Variants in RAP1GAP observed in about 807,000 individuals in gnomAD.
RAP1GAP encodes rap1 GTPase-activating protein 1.
Under a neutral mutation model 87.2 loss-of-function variants are expected in RAP1GAP, and 35 were observed. That is an observed-to-expected ratio of 0.40 (90% CI 0.31 to 0.53). The LOEUF is 0.53. Among genes scored for constraint, RAP1GAP ranks in the 20% least tolerant of loss-of-function variants. RAP1GAP has a pLI of 0.48. For missense variants in RAP1GAP, 734 were observed against 898.9 expected (o/e 0.82, Z 2.35); for synonymous variants, 375 against 363.9 (o/e 1.03, Z -0.35).
chr1:21,638,366 A>G (rs2095134651), intron 2 of RAP1GAP, among the ~76,000 whole-genome samples: 1 of 151,550 alleles, frequency 6.6e-6, no homozygotes, highest in Non-Finnish European at 1.5e-5. Context: ...CTGAGGCAGG[A>G]GAATCGCTTG....
In RAP1GAP at chr1:21,622,522, C is replaced by A. The variant is rs979573997; in HGVS notation, c.-18-2472G>T. 2.7e-5 allele frequency: 4 copies of A among 149,160 alleles called. No homozygotes were observed. Among genetic ancestry groups the A allele is most frequent in the Middle Eastern group, 3.1e-3 (1 of 322 alleles). 9.2% of individuals were successfully genotyped at this position (149,160 alleles called of 1,614,324 possible). ...GGGCCCCGCAGCGCTGAGCTCCGCG[C>A]TCCCGGCTCCCGGCGGCGGCGCTGC... is the stretch of plus-strand genomic sequence containing the variant. On this transcript the variant is annotated intron_variant, in intron 3 of 24. Transcript: ENST00000374765. This position sits in a 1 kb window ranked among gnomAD's most constrained non-coding sequence, Gnocchi z 5.7.
At chr1:21,651,244 A>C in intron 1 of RAP1GAP, 1 of 365,842 alleles carries the variant, frequency 2.7e-6, no homozygotes, top group Admixed American at 3.4e-5. Flanking sequence ...GAAGGAGGGC[A>C]GCCTGGTGCC....
intron 4 of RAP1GAP, 120 bp downstream of exon 4, chr1:21,619,895 T>C: frequency 1.9e-6 from 2 of 1,058,278 alleles, no homozygotes; most frequent in Non-Finnish European, 2.9e-6. Context: ...ATAGCCACCA[T>C]CTTCTACTGG....
Position 21,622,168 on chromosome 1 carries a change from C to T in RAP1GAP, c.-18-2118G>A, listed in dbSNP as rs1276311780. ...AGCAAGAGCCCCAGGGTCCGGGACC[C>T]CAGGGTAGGGGTGCGCCCCGTGGCC... On this transcript the variant is annotated intron_variant, in intron 3 of 24. Transcript: ENST00000374765. The surrounding 1 kb of genome is among the most constrained non-coding windows in gnomAD (Gnocchi z 5.7). 6.6e-6 allele frequency among the ~76,000 whole-genome samples: 1 copy of T among 152,172 alleles called. No individual in the cohort carries two copies. Among genetic ancestry groups the T allele is most frequent in the African/African-American group, 2.4e-5 (1 of 41,462 alleles).
At chr1:21,626,794 G>A (rs7354914) in intron 2 of RAP1GAP, 63,705 of 425,010 alleles carry the variant, frequency 0.15, 5,421 homozygotes, top group Admixed American at 0.24. Flanking sequence ...TGGCATTGAG[G>A]GGCTACCAGG....
chr1:21,661,395 T>A (rs2097150724), intron 1 of RAP1GAP, among the ~76,000 whole-genome samples: 1 of 152,152 alleles, frequency 6.6e-6, no homozygotes. Context: ...TAGTGAGCAC[T>A]CCATAAATGT....
chr1:21,603,858 T>C lies in RAP1GAP; in HGVS notation c.1429-945A>G, dbSNP rs990650626. 5.6e-6 allele frequency: 9 copies of C among 1,603,186 alleles called. No homozygotes were observed. The highest frequency in any genetic ancestry group is 7.7e-6 in the Non-Finnish European group (9 of 1,174,904). ...ACCTCTTCCACGGTTCCTATGCCTA[T>C]GGCACTGCCCCGGCGTCCGAATCTA... is the stretch of plus-strand genomic sequence containing the variant. On this transcript the variant is annotated intron_variant, in intron 18 of 24. Transcript: ENST00000374765. The surrounding 1 kb of genome is among the most constrained non-coding windows in gnomAD (Gnocchi z 6.0).
Position 21,603,869 on chromosome 1 carries a change from CG to C in RAP1GAP, c.1429-957del. 6.3e-7 allele frequency: 1 copy of C among 1,588,954 alleles called. No homozygotes were observed. Among genetic ancestry groups the C allele is most frequent in the Non-Finnish European group, 8.6e-7 (1 of 1,167,332 alleles). ...GGTTCCTATGCCTATGGCACTGCCCCGGCGTCCGAATCTACTCGCACTTTTC... is the reference window on the plus strand; with the variant it reads ...GGTTCCTATGCCTATGGCACTGCCCCGCGTCCGAATCTACTCGCACTTTTC... On this transcript the variant is annotated intron_variant, in intron 18 of 24. Coordinates refer to ENST00000374765, the MANE Select transcript of RAP1GAP (RefSeq NM_002885.4). This position sits in a 1 kb window ranked among gnomAD's most constrained non-coding sequence, Gnocchi z 6.0.
rs373325190 is a variant in RAP1GAP at position 21,664,439 on chromosome 1, T to C, written c.-149+4815A>G. On this transcript the variant is annotated intron_variant, in intron 1 of 24. Transcript: ENST00000374765. The stretch of plus-strand genomic sequence containing the variant: ...CTGCCATTCAAGGCCCTTAATAGAC[T>C]GACCCCGATTTGTCCCTACCCCCAC... Among the ~76,000 whole-genome samples the C allele has an allele frequency of 4.2e-4, 64 of 152,234 alleles. 1 individual carries two copies. In the South Asian group the frequency reaches 0.013, roughly 32 times the overall value.
At chr1:21,602,969 C>T (rs996593607) in intron 18 of RAP1GAP, 56 bp from the exon 19 acceptor site, 3 of 1,339,754 alleles carry the variant, frequency 2.2e-6, no homozygotes, top group Non-Finnish European at 1.0e-6. Context: ...CAGTGCCCCC[C>T]CCACATCCCC....
chr1:21,660,809 T>G (rs1472745488), intron 1 of RAP1GAP, among the ~76,000 whole-genome samples: 1 of 152,108 alleles, frequency 6.6e-6, no homozygotes, highest in East Asian at 1.9e-4. Context: ...GTTAACACTG[T>G]TGCCAGTAGG....
intron 1 of RAP1GAP, among the ~76,000 whole-genome samples, chr1:21,662,519 T>C (rs762133485): frequency 3.3e-5 from 5 of 152,016 alleles, no homozygotes; most frequent in Non-Finnish European, 7.4e-5. Flanking sequence ...CATTCATCCT[T>C]TTCCCCCAAG....
intron 2 of RAP1GAP, among the ~76,000 whole-genome samples, chr1:21,644,490 G>T (rs772222083): frequency 2.6e-5 from 4 of 152,130 alleles, no homozygotes; most frequent in Non-Finnish European, 5.9e-5. Flanking sequence ...TGCCTCACAG[G>T]GCTGTTGTGA....
intron 3 of RAP1GAP, among the ~76,000 whole-genome samples, chr1:21,626,097 G>A (rs10917025): frequency 0.19 from 28,614 of 152,122 alleles, 3,404 homozygotes; most frequent in East Asian, 0.47. Context: ...CCCTGCCACA[G>A]TCTACAGACC....
chr1:21,617,875 C>T, intron 6 of RAP1GAP, 59 bp downstream of exon 6: 1 of 1,608,524 alleles, frequency 6.2e-7, no homozygotes, highest in South Asian at 1.1e-5. Context: ...TATCCAGAAG[C>T]CCTGTGTAAG....
intron 2 of RAP1GAP, among the ~76,000 whole-genome samples, chr1:21,641,452 G>A (rs751063): frequency 0.35 from 53,731 of 151,940 alleles, 10,280 homozygotes; most frequent in Middle Eastern, 0.45. Flanking sequence ...GATACCCTTG[G>A]CAAAGCCAGG....
At chr1:21,657,292 A>G (rs2096905289) in intron 1 of RAP1GAP, among the ~76,000 whole-genome samples, 3 of 152,248 alleles carry the variant, frequency 2.0e-5, no homozygotes, top group African/African-American at 7.2e-5. Flanking sequence ...ACATGCACCT[A>G]CTGACTCCGG....
chr1:21,647,000 G>A (rs531552873), intron 2 of RAP1GAP, among the ~76,000 whole-genome samples: 75 of 152,290 alleles, frequency 4.9e-4, no homozygotes, highest in African/African-American at 1.7e-3. Flanking sequence ...TTGTAAAGGG[G>A]TGGGGGAAAA....
Position 21,634,249 on chromosome 1 carries a change from A to C in RAP1GAP, c.-112-7852T>G, listed in dbSNP as rs957271492. On this transcript the variant is annotated intron_variant, in intron 2 of 24. Coordinates refer to ENST00000374765, the MANE Select transcript of RAP1GAP (RefSeq NM_002885.4). This position sits in a 1 kb window ranked among gnomAD's most constrained non-coding sequence, Gnocchi z 4.1. ...TCCCCAGCCCACTGGGAGCCTAAGC[A>C]GACAGGCACAGGCACGGGAGGCTCC... Among the ~76,000 whole-genome samples the C allele has an allele frequency of 2.0e-5, 3 of 152,146 alleles. No individual in the cohort carries two copies. The highest frequency in any genetic ancestry group is 7.2e-5 in the African/African-American group (3 of 41,438).
Sources: allele counts gnomAD v4.1 joint callset (sites outside exome capture counted in the v4.1 genomes callset), GRCh38; gene constraint gnomAD v4.1.1; non-coding constraint Gnocchi (gnomAD v3.1); transcripts MANE v1.5; gene names NCBI Gene and HGNC (gene_info 2026-07-23, HGNC 2026-07-21).